The following SOX6 variants were observed in gnomAD, a reference collection of about 807,000 sequenced individuals.
SOX6 encodes the protein transcription factor SOX-6.
In SOX6, 11 loss-of-function variants were observed where a neutral mutation model predicts 97.8. That is an observed-to-expected ratio of 0.11 (90% CI 0.07 to 0.19). SOX6 has a LOEUF of 0.19. SOX6 is among the 10% of genes least tolerant of loss of function. The pLI, the probability that SOX6 is intolerant of heterozygous loss-of-function variation, is 1.00. For synonymous variants in SOX6, 360 were observed against 371.4 expected (o/e 0.97, Z 0.35); for missense variants, 810 against 1,039.5 (o/e 0.78, Z 3.04).
chr11:16,060,163 AT>A (rs60751355), intron 9 of SOX6, among the ~76,000 whole-genome samples: 7,532 of 151,464 alleles, frequency 0.05, 616 homozygotes, highest in African/African-American at 0.17. Context: ...AAATACATCT[AT>A]TTTTTTTTAA....
chr11:16,170,759 T>C (rs1310486268), intron 6 of SOX6, among the ~76,000 whole-genome samples: 4 of 152,082 alleles, frequency 2.6e-5, no homozygotes, highest in Admixed American at 6.6e-5. Context: ...GGTCTTCTTA[T>C]AAGCCCAACT....
intron 4 of SOX6, among the ~76,000 whole-genome samples, chr11:16,588,460 T>G (rs1848118360): frequency 6.6e-6 from 1 of 152,186 alleles, no homozygotes; most frequent in Admixed American, 6.5e-5. Flanking sequence ...GATAATAATG[T>G]TTGCCTACAG....
chr11:16,687,510 C>A (rs921404274), intron 3 of SOX6, among the ~76,000 whole-genome samples: 4 of 152,162 alleles, frequency 2.6e-5, no homozygotes, highest in Admixed American at 1.3e-4. Context: ...AAACTCCTGA[C>A]CTTAGGTGAT....
intron 3 of SOX6, among the ~76,000 whole-genome samples, chr11:16,273,369 G>A (rs1363824817): frequency 6.6e-6 from 1 of 151,924 alleles, no homozygotes; most frequent in Non-Finnish European, 1.5e-5. Flanking sequence ...TATAGGGAAA[G>A]TGAACCACAG....
intron 4 of SOX6, among the ~76,000 whole-genome samples, chr11:16,529,220 G>T (rs992194685): frequency 6.6e-6 from 1 of 152,026 alleles, no homozygotes; most frequent in Admixed American, 6.6e-5. Flanking sequence ...GCAGAAAATT[G>T]TCTAACCATC....
intron 4 of SOX6, among the ~76,000 whole-genome samples, chr11:16,225,478 C>A (rs200096921): frequency 0.011 from 1,370 of 127,622 alleles, no homozygotes; most frequent in Middle Eastern, 0.013. Flanking sequence ...AATTGCTATT[C>A]AAAAAAAAAA....
chr11:16,389,364 C>T lies in SOX6; in HGVS notation c.-4-48112G>A, dbSNP rs1000404073. ...CCCAAAGGAGAGGTGACATTGTAGG[C>T]TTGAGCCACCATGCCTGGCCTCTCT... On this transcript the variant is annotated intron_variant, in intron 1 of 15. Coordinates refer to the SOX6 transcript ENST00000396356. Among the ~76,000 whole-genome samples, 5 of 152,330 alleles carry T rather than the reference C, an allele frequency of 3.3e-5. No individual in the cohort carries two copies. In the East Asian group the frequency reaches 9.6e-4, roughly 29 times the overall value.
chr11:15,996,506 G>A (rs1165218624), intron 13 of SOX6, among the ~76,000 whole-genome samples: 2 of 152,072 alleles, frequency 1.3e-5, no homozygotes, highest in African/African-American at 4.8e-5. Context: ...GCATGCACCT[G>A]TAGTTCCAGC....
At chr11:16,435,486 T>C (rs990267350) in intron 1 of SOX6, among the ~76,000 whole-genome samples, 2 of 152,056 alleles carry the variant, frequency 1.3e-5, no homozygotes, top group African/African-American at 4.8e-5. Flanking sequence ...AGTCACAGAA[T>C]CATAGAATTT....
chr11:16,015,318 G>C lies in SOX6; in HGVS notation c.1624-268C>G, dbSNP rs1046328466. The C allele has an allele frequency of 6.2e-6, 3 of 485,774 alleles. No homozygotes were observed. The East Asian group carries it at 1.2e-4, about 19-fold the overall frequency. 30.1% of individuals were successfully genotyped at this position (485,774 alleles called of 1,614,324 possible). On this transcript the variant is annotated intron_variant, in intron 12 of 15. Transcript: ENST00000683767. ...CTTCTATGCATATCTTCTCTCTGTC[G>C]GATTTGCTCCAGTAATCTAAAAACA...
intron 1 of SOX6, among the ~76,000 whole-genome samples, chr11:16,416,541 G>C (rs1425339383): frequency 6.6e-6 from 1 of 152,114 alleles, no homozygotes; most frequent in East Asian, 1.9e-4. Flanking sequence ...CTGAAAATCT[G>C]CCCCAAATTA....
At chr11:16,516,396 T>A (rs1860974587) in intron 4 of SOX6, among the ~76,000 whole-genome samples, 1 of 152,196 alleles carries the variant, frequency 6.6e-6, no homozygotes, top group Non-Finnish European at 1.5e-5. Flanking sequence ...GTACATCGAT[T>A]TTGTATCCTG....
intron 3 of SOX6, among the ~76,000 whole-genome samples, chr11:16,648,072 G>A (rs936963443): frequency 2.0e-5 from 3 of 152,142 alleles, no homozygotes; most frequent in Non-Finnish European, 2.9e-5. Context: ...AGGAGTGTAG[G>A]AGCTGCTGCA....
At chr11:16,397,771 T>A (rs888494912) in intron 1 of SOX6, among the ~76,000 whole-genome samples, 6 of 151,490 alleles carry the variant, frequency 4.0e-5, no homozygotes, top group Non-Finnish European at 3.0e-5. Flanking sequence ...TAAATCTTTG[T>A]TAGATATTAC....
intron 12 of SOX6, among the ~76,000 whole-genome samples, chr11:16,032,739 A>C (rs1342203567): frequency 6.6e-6 from 1 of 151,800 alleles, no homozygotes; most frequent in East Asian, 1.9e-4. Flanking sequence ...GCCCCTCTCT[A>C]ACTCAGAGTA....
chr11:15,991,288 G>A (rs1854045532), intron 13 of SOX6, among the ~76,000 whole-genome samples: 1 of 152,088 alleles, frequency 6.6e-6, no homozygotes, highest in Admixed American at 6.5e-5. Context: ...CTTTATATGG[G>A]TTTGACAGCC....
chr11:16,609,789 A>G (rs187996702), intron 4 of SOX6, among the ~76,000 whole-genome samples: 2 of 152,340 alleles, frequency 1.3e-5, no homozygotes. Context: ...CTCCTGGCCC[A>G]CTAGGAAATA....
intron 4 of SOX6, among the ~76,000 whole-genome samples, chr11:16,583,086 G>C (rs1848045904): frequency 6.6e-6 from 1 of 152,024 alleles, no homozygotes; most frequent in East Asian, 1.9e-4. Flanking sequence ...TACTTCACAG[G>C]GGTAAGGTAT....
At chr11:16,107,907 C>T (rs369711237) in intron 7 of SOX6, among the ~76,000 whole-genome samples, 17 of 152,040 alleles carry the variant, frequency 1.1e-4, no homozygotes, top group African/African-American at 3.1e-4. Context: ...GCTTTTGGGC[C>T]GCATTTCCAA....
Sources: allele counts gnomAD v4.1 joint callset (sites outside exome capture counted in the v4.1 genomes callset), GRCh38; gene constraint gnomAD v4.1.1; transcripts MANE v1.5; gene names NCBI Gene and HGNC (gene_info 2026-07-23, HGNC 2026-07-21).